CDH9: variants seen among roughly 807,000 people sequenced by gnomAD.
The protein encoded by CDH9 is cadherin-9.
Under a neutral mutation model 70.9 loss-of-function variants are expected in CDH9, and 28 were observed. The ratio of observed to expected loss-of-function variants is 0.40; its 90% CI spans 0.29 to 0.54. CDH9 has a LOEUF of 0.54. Among genes scored for constraint, CDH9 ranks in the 20% least tolerant of loss-of-function variants. The pLI, the probability that CDH9 is intolerant of heterozygous loss-of-function variation, is 0.59. For missense variants in CDH9, 874 were observed against 984.4 expected, an observed-to-expected ratio of 0.89 and a Z score of 1.50; for synonymous variants, 409 against 343.1, an observed-to-expected ratio of 1.19 and a Z score of -2.12.
intron 1 of CDH9, among the ~76,000 whole-genome samples, chr5:27,006,987 T>C (rs1488762240): frequency 6.6e-6 from 1 of 152,110 alleles, no homozygotes; most frequent in Non-Finnish European, 1.5e-5. Context: ...AAGTCATTTA[T>C]TGAATAATAT....
At chr5:26,914,178 A>G in intron 3 of CDH9, among the ~76,000 whole-genome samples, 1 of 152,002 alleles carries the variant, frequency 6.6e-6, no homozygotes, top group East Asian at 1.9e-4. Flanking sequence ...TGAAAGTTTT[A>G]TATTGTAAGG....
At chr5:26,963,735 A>T (rs1742079519) in intron 2 of CDH9, among the ~76,000 whole-genome samples, 1 of 151,924 alleles carries the variant, frequency 6.6e-6, no homozygotes, top group African/African-American at 2.4e-5. Flanking sequence ...GGCCTTCTTT[A>T]AAAAAAAAGA....
chr5:26,969,447 G>A (rs571713025), intron 2 of CDH9, among the ~76,000 whole-genome samples: 2 of 152,060 alleles, frequency 1.3e-5, no homozygotes, highest in Admixed American at 6.6e-5. Flanking sequence ...CCAAAAATCT[G>A]TTCATATGTT....
In CDH9 at chr5:26,943,104, C is replaced by G. The variant is rs1415469055; in HGVS notation, c.229-27180G>C. 2.6e-5 allele frequency among the ~76,000 whole-genome samples: 4 copies of G among 152,290 alleles called. No homozygotes were observed. The South Asian group carries it at 8.3e-4, about 32-fold the overall frequency. ...ACTAGCATAAAATTTTGCCCAGATA[C>G]TTTAAGAAAACTAAGTGAAACAAAC... On this transcript the variant is annotated intron_variant, in intron 2 of 11. Coordinates refer to ENST00000231021, the MANE Select transcript of CDH9 (RefSeq NM_016279.4).
rs70939788 is a variant in CDH9, at chr5:26,952,901, CAAAA to C, written c.228+35201_228+35204del. On this transcript the variant is annotated intron_variant, in intron 2 of 11. Coordinates refer to ENST00000231021, the MANE Select transcript of CDH9 (RefSeq NM_016279.4). Reference sequence around the variant, plus strand: ...AGTTAAACCAAAAATGTTTCTATTCCAAAAAAAAAAAAAAAAAAAAAGTTTAAAG... The same window carrying C: ...AGTTAAACCAAAAATGTTTCTATTCCAAAAAAAAAAAAAAAAAGTTTAAAG... Among the ~76,000 whole-genome samples the C allele has an allele frequency of 4.8e-3, 508 of 105,258 alleles. 3 individuals are homozygous for C. Among genetic ancestry groups the C allele is most frequent in the African/African-American group, 0.017 (448 of 25,704 alleles). The allele number at this position is 105,258 out of a possible 152,430, so 69.1% of individuals were successfully genotyped here. A position where few individuals can be genotyped will look rare whatever the true frequency, so the allele number is the denominator to read the frequency against.
chr5:26,916,995 C>T (rs1022628821), intron 2 of CDH9, among the ~76,000 whole-genome samples: 2 of 151,854 alleles, frequency 1.3e-5, no homozygotes, highest in Non-Finnish European at 2.9e-5. Flanking sequence ...GTAAAAATAA[C>T]TTCTTAATGT....
intron 2 of CDH9, among the ~76,000 whole-genome samples, chr5:26,929,882 A>G (rs1389266096): frequency 6.6e-6 from 1 of 152,032 alleles, no homozygotes; most frequent in Non-Finnish European, 1.5e-5. Context: ...GGAGTGGTTA[A>G]TGGGTACAAA....
intron 1 of CDH9, among the ~76,000 whole-genome samples, chr5:26,990,389 C>T (rs779821136): frequency 6.6e-6 from 1 of 152,160 alleles, no homozygotes; most frequent in Non-Finnish European, 1.5e-5. Context: ...CAAATATATG[C>T]TGCTCTTAAT....
intron 1 of CDH9, among the ~76,000 whole-genome samples, chr5:27,037,763 A>G (rs536866084): frequency 9.9e-5 from 15 of 152,102 alleles, no homozygotes; most frequent in Admixed American, 7.2e-4. Context: ...CTATCTAGTC[A>G]TCATTACATT....
intron 2 of CDH9, among the ~76,000 whole-genome samples, chr5:26,921,314 G>A (rs951176927): frequency 4.6e-5 from 7 of 152,178 alleles, no homozygotes; most frequent in South Asian, 2.1e-4. Context: ...GAAGAGAAGA[G>A]GGCAAAGGAG....
intron 2 of CDH9, among the ~76,000 whole-genome samples, chr5:26,919,021 G>A (rs1741196377): frequency 6.6e-6 from 1 of 152,142 alleles, no homozygotes; most frequent in Non-Finnish European, 1.5e-5. Flanking sequence ...GAGGAAGGCA[G>A]CCAAGTTCAA....
intron 1 of CDH9, among the ~76,000 whole-genome samples, chr5:27,016,792 G>A (rs1186065520): frequency 6.6e-6 from 1 of 151,704 alleles, no homozygotes; most frequent in Non-Finnish European, 1.5e-5. Flanking sequence ...AAATAAAGAA[G>A]CACAGAGAAA....
intron 1 of CDH9, among the ~76,000 whole-genome samples, chr5:27,019,031 A>G (rs1276267056): frequency 6.6e-6 from 1 of 152,020 alleles, no homozygotes. Flanking sequence ...GCTGGGATAA[A>G]CAAGAGGAAC....
At chr5:26,915,609 C>T in intron 3 of CDH9, 21 bp downstream of exon 3, 1 of 1,410,146 alleles carries the variant, frequency 7.1e-7, no homozygotes, top group South Asian at 1.2e-5. Context: ...AAGTAGTTTA[C>T]ATGGATTAGA....
chr5:26,980,941 T>C (rs1382442928), intron 2 of CDH9, among the ~76,000 whole-genome samples: 2 of 152,052 alleles, frequency 1.3e-5, no homozygotes, highest in African/African-American at 4.8e-5. Flanking sequence ...GGTGCTCAGT[T>C]TTTTCAAAAT....
intron 7 of CDH9, among the ~76,000 whole-genome samples, chr5:26,897,227 A>G (rs1740768553): frequency 6.6e-6 from 1 of 152,126 alleles, no homozygotes; most frequent in Non-Finnish European, 1.5e-5. Context: ...TCACAGCCAA[A>G]TTTTACCAGA....
chr5:26,989,708 T>C (rs1002418472), intron 1 of CDH9, among the ~76,000 whole-genome samples: 1 of 152,124 alleles, frequency 6.6e-6, no homozygotes, highest in Non-Finnish European at 1.5e-5. Context: ...CTGATTTACC[T>C]TGTTTAAGCC....
chr5:26,897,033 A>C (rs937040859), intron 7 of CDH9, among the ~76,000 whole-genome samples: 4 of 152,136 alleles, frequency 2.6e-5, no homozygotes, highest in Admixed American at 6.5e-5. Context: ...AGAGAATACT[A>C]TAAAAACCTC....
intron 3 of CDH9, among the ~76,000 whole-genome samples, chr5:26,907,238 C>A (rs1302863410): frequency 2.6e-5 from 4 of 151,982 alleles, no homozygotes; most frequent in Non-Finnish European, 5.9e-5. Context: ...CATTTTTTAA[C>A]CTGCTGCTGC....
Sources: allele counts gnomAD v4.1 joint callset (sites outside exome capture counted in the v4.1 genomes callset), GRCh38; gene constraint gnomAD v4.1.1; transcripts MANE v1.5; gene names NCBI Gene and HGNC (gene_info 2026-07-23, HGNC 2026-07-21).